Variants in STK31 observed in about 807,000 individuals in gnomAD.
STK31 encodes serine/threonine-protein kinase 31.
STK31 carries 89 observed loss-of-function variants against 129.7 expected under a neutral mutation model. The ratio of observed to expected loss-of-function variants is 0.69; its 90% CI spans 0.58 to 0.82. The LOEUF is 0.82. Among genes scored for constraint, STK31 ranks in the 40% least tolerant of loss-of-function variants. The pLI is 0.00. For missense variants in STK31, 1,187 were observed against 1,176.4 expected, an observed-to-expected ratio of 1.01 and a Z score of -0.13; for synonymous variants, 448 against 395.3, an observed-to-expected ratio of 1.13 and a Z score of -1.58.
At chr7:23,743,700 G>A (rs1303344320) in intron 8 of STK31, among the ~76,000 whole-genome samples, 1 of 152,068 alleles carries the variant, frequency 6.6e-6, no homozygotes, top group African/African-American at 2.4e-5. Context: ...GAAGTTTTCA[G>A]CTATTTTATT....
chr7:23,783,541 T>C, intron 16 of STK31, 42 bp from the exon 17 acceptor site: 1 of 1,415,606 alleles, frequency 7.1e-7, no homozygotes. Flanking sequence ...AAATTGAATA[T>C]ATATTGATCT....
Position 23,747,861 on chromosome 7 carries a change from T to A in STK31, c.1018-4856T>A, listed in dbSNP as rs567913312. ...ATTTGTGTCCTCTGTCTTTTTTTCCTTTATTAGCCTGGTTATAGTGTTACC... is the reference window on the plus strand; with the variant it reads ...ATTTGTGTCCTCTGTCTTTTTTTCCATTATTAGCCTGGTTATAGTGTTACC... On this transcript the variant is annotated intron_variant, in intron 8 of 23. Transcript: ENST00000355870. Among the ~76,000 whole-genome samples, 3 of 152,324 alleles carry A rather than the reference T, an allele frequency of 2.0e-5. No homozygotes were observed. The South Asian group carries it at 6.2e-4, about 32-fold the overall frequency.
chr7:23,741,151 G>A lies in STK31; in HGVS notation c.1017+4073G>A, dbSNP rs76059603. Among the ~76,000 whole-genome samples, 1,462 of 152,202 alleles carry A rather than the reference G, an allele frequency of 9.6e-3. 34 individuals are homozygous for A. Among genetic ancestry groups the A allele is most frequent in the South Asian group, 0.051 (246 of 4,832 alleles). ...TAAGTTGTTGCTCTGTCCTTTTGATGTGATTCCAGTAGTCTGATAGCTTCC... is the reference window on the plus strand; with the variant it reads ...TAAGTTGTTGCTCTGTCCTTTTGATATGATTCCAGTAGTCTGATAGCTTCC... On this transcript the variant is annotated intron_variant, in intron 8 of 23. Transcript: ENST00000355870.
At chr7:23,732,440 T>C (rs2128077607) in intron 6 of STK31, among the ~76,000 whole-genome samples, 1 of 152,310 alleles carries the variant, frequency 6.6e-6, no homozygotes, top group South Asian at 2.1e-4. Flanking sequence ...TTTGGTATAG[T>C]ATTAAAACAC....
At chr7:23,771,804 A>G (rs1042177032) in intron 14 of STK31, 1 of 157,852 alleles carries the variant, frequency 6.3e-6, no homozygotes, top group Admixed American at 6.5e-5. Flanking sequence ...AACTTGATAC[A>G]TATTTTCAAA....
At chr7:23,788,520 A>G (rs1192793830) in intron 21 of STK31, among the ~76,000 whole-genome samples, 1 of 152,122 alleles carries the variant, frequency 6.6e-6, no homozygotes. Context: ...TTGATTAATA[A>G]TGTGCATTTT....
intron 10 of STK31, among the ~76,000 whole-genome samples, chr7:23,756,013 T>A (rs1272550704): frequency 2.0e-5 from 3 of 152,168 alleles, no homozygotes; most frequent in East Asian, 1.9e-4. Context: ...TTTAAAATAG[T>A]TTTTTCTAAT....
chr7:23,803,545 T>A (rs898327340), intron 22 of STK31, among the ~76,000 whole-genome samples: 1 of 152,186 alleles, frequency 6.6e-6, no homozygotes, highest in Non-Finnish European at 1.5e-5. Context: ...ACAATTCAAG[T>A]GTTGTGGGTT....
At chr7:23,821,182 G>C (rs1402933314) in intron 23 of STK31, among the ~76,000 whole-genome samples, 1 of 152,078 alleles carries the variant, frequency 6.6e-6, no homozygotes, top group South Asian at 2.1e-4. Flanking sequence ...TTACTGGATT[G>C]TATGATAGTT....
intron 15 of STK31, among the ~76,000 whole-genome samples, chr7:23,778,421 T>G (rs1021090911): frequency 5.3e-5 from 8 of 152,232 alleles, no homozygotes. Flanking sequence ...GATAATATGC[T>G]TAAGTGTGTT....
chr7:23,748,504 G>GT (rs1281068478), intron 8 of STK31, among the ~76,000 whole-genome samples: 2 of 152,098 alleles, frequency 1.3e-5, no homozygotes, highest in Non-Finnish European at 2.9e-5. Flanking sequence ...TTAAATAAAA[G>GT]TTACATCAGT....
intron 6 of STK31, among the ~76,000 whole-genome samples, chr7:23,733,911 A>G (rs1787575028): frequency 6.6e-6 from 1 of 152,172 alleles, no homozygotes; most frequent in Admixed American, 6.5e-5. Flanking sequence ...AAGTCCAAAG[A>G]TTTCACCTGA....
At chr7:23,729,292 CTA>C (rs943067785) in intron 6 of STK31, 43 bp downstream of exon 6, 4 of 1,514,120 alleles carry the variant, frequency 2.6e-6, no homozygotes, top group Non-Finnish European at 3.5e-6. Context: ...GAAAGTAAAA[CTA>C]TGTGCTTGAA....
At chr7:23,750,190 C>T (rs566893159) in intron 8 of STK31, among the ~76,000 whole-genome samples, 2 of 151,628 alleles carry the variant, frequency 1.3e-5, no homozygotes, top group African/African-American at 4.8e-5. Flanking sequence ...TGGGGGCCCC[C>T]ATGACTGGAT....
At chr7:23,824,848 G>C (rs1184434473) in intron 23 of STK31, among the ~76,000 whole-genome samples, 1 of 151,608 alleles carries the variant, frequency 6.6e-6, no homozygotes, top group African/African-American at 2.4e-5. Context: ...TGCATCTATT[G>C]AGATAATCAT....
At chr7:23,803,029 G>A (rs1792475886) in intron 22 of STK31, among the ~76,000 whole-genome samples, 1 of 152,088 alleles carries the variant, frequency 6.6e-6, no homozygotes. Context: ...CTATACATGT[G>A]TTGTTAGATT....
chr7:23,774,800 T>G (rs1562591564), intron 15 of STK31, among the ~76,000 whole-genome samples: 1 of 152,220 alleles, frequency 6.6e-6, no homozygotes, highest in Admixed American at 6.5e-5. Flanking sequence ...ATTTGTCAAT[T>G]TTGTCTTTTG....
chr7:23,795,946 T>A (rs1325157426), intron 22 of STK31, among the ~76,000 whole-genome samples: 3 of 152,226 alleles, frequency 2.0e-5, no homozygotes, highest in African/African-American at 7.2e-5. Context: ...CAGAAGGAAC[T>A]TGCCTTATTT....
chr7:23,752,136 A>T (rs1210437064), intron 8 of STK31, among the ~76,000 whole-genome samples: 1 of 152,170 alleles, frequency 6.6e-6, no homozygotes. Flanking sequence ...ATTTTATGTT[A>T]TGTATATTTT....
Sources: allele counts gnomAD v4.1 joint callset (sites outside exome capture counted in the v4.1 genomes callset), GRCh38; gene constraint gnomAD v4.1.1; transcripts MANE v1.5; gene names NCBI Gene and HGNC (gene_info 2026-07-23, HGNC 2026-07-21).